The following ZNF280D variants were observed in gnomAD, a reference collection of about 807,000 sequenced individuals.
ZNF280D encodes the protein zinc finger protein 280D.
Under a neutral mutation model 94.7 loss-of-function variants are expected in ZNF280D, and 39 were observed. That is an observed-to-expected ratio of 0.41 (90% CI 0.32 to 0.54). ZNF280D has a LOEUF of 0.54. Ranked by LOEUF, ZNF280D falls within the 20% of genes least tolerant of loss-of-function variation. The pLI is 0.22. For missense variants in ZNF280D, 1,090 were observed against 1,149.3 expected (o/e 0.95, Z 0.75); for synonymous variants, 398 against 377.6 (o/e 1.05, Z -0.63).
Position 56,631,610 on chromosome 15 carries a change from G to A in ZNF280D, c.2828C>T (p.Ser943Leu), listed in dbSNP as rs1262549680. 1 of 1,614,134 alleles carries A rather than the reference G, an allele frequency of 6.2e-7. No homozygotes were observed. Among genetic ancestry groups the A allele is most frequent in the Non-Finnish European group, 8.5e-7 (1 of 1,180,018 alleles). Reference sequence around the variant, plus strand: ...AGACACTACTTCATCAGTCTTGGCTGAAGGATCACCACTACCTTTCTGAAG... The same window carrying A: ...AGACACTACTTCATCAGTCTTGGCTAAAGGATCACCACTACCTTTCTGAAG... ...EILQKGSGDP[S>L]AKTDEVVSDQ... Residue 943 changes from serine to leucine, a missense_variant, in exon 22 of 22, where the codon TCA becomes TTA. Physicochemically the swap from Ser to Leu is moderately radical, Grantham distance 145. This residue lies in a region of ZNF280D where 577 missense variants were observed against 568.8 expected (regional missense o/e 1.01). Transcript: ENST00000267807.
At chr15:56,685,578 T>C (rs974533937) in intron 9 of ZNF280D, among the ~76,000 whole-genome samples, 1 of 152,142 alleles carries the variant, frequency 6.6e-6, no homozygotes, top group Non-Finnish European at 1.5e-5. Flanking sequence ...TCAGACAATA[T>C]TGACTAAAAT....
At chr15:56,680,536 G>C (rs2055547101) in intron 10 of ZNF280D, among the ~76,000 whole-genome samples, 1 of 152,050 alleles carries the variant, frequency 6.6e-6, no homozygotes, top group Non-Finnish European at 1.5e-5. Context: ...GAGTGCAGAC[G>C]CATGATTACA....
At chr15:56,678,475 G>A (rs761333624) in intron 11 of ZNF280D, among the ~76,000 whole-genome samples, 189 bp downstream of exon 11, 15 of 152,144 alleles carry the variant, frequency 9.9e-5, no homozygotes, top group Non-Finnish European at 1.0e-4. Flanking sequence ...TTTGCAAGAG[G>A]CACTTTAATA....
intron 1 of ZNF280D, among the ~76,000 whole-genome samples, chr15:56,727,085 C>G (rs376935388): frequency 6.6e-6 from 1 of 152,148 alleles, no homozygotes; most frequent in Non-Finnish European, 1.5e-5. Context: ...TGGAAAATAA[C>G]GGTTATTTTA....
At chr15:56,655,737 G>T (rs2053511966) in intron 17 of ZNF280D, among the ~76,000 whole-genome samples, 1 of 152,154 alleles carries the variant, frequency 6.6e-6, no homozygotes. Flanking sequence ...TAGCTGAAAG[G>T]TGTTTTAAAA....
At chr15:56,660,745 T>C (rs1194696925) in intron 16 of ZNF280D, among the ~76,000 whole-genome samples, 3 of 152,182 alleles carry the variant, frequency 2.0e-5, no homozygotes, top group Non-Finnish European at 2.9e-5. Context: ...AGCAATTCTC[T>C]AAAAATAGGT....
At chr15:56,679,910 C>T (rs777308146) in intron 10 of ZNF280D, among the ~76,000 whole-genome samples, 2 of 152,144 alleles carry the variant, frequency 1.3e-5, no homozygotes, top group Non-Finnish European at 2.9e-5. Context: ...AAATCCTGGT[C>T]GTTGTTAAAT....
At chr15:56,648,116 A>T (rs1490644050) in intron 19 of ZNF280D, among the ~76,000 whole-genome samples, 1 of 152,056 alleles carries the variant, frequency 6.6e-6, no homozygotes, top group Non-Finnish European at 1.5e-5. Flanking sequence ...CCTCAAGCCA[A>T]TTCCTCTCCT....
chr15:56,731,986 A>G (rs146930949), intron 1 of ZNF280D, among the ~76,000 whole-genome samples: 87 of 152,348 alleles, frequency 5.7e-4, no homozygotes, highest in African/African-American at 1.9e-3. Flanking sequence ...CCTGGGCAAC[A>G]TAACAACCGC....
At chr15:56,715,339 A>G (rs1036344024) in intron 1 of ZNF280D, among the ~76,000 whole-genome samples, 9 of 152,178 alleles carry the variant, frequency 5.9e-5, no homozygotes, top group African/African-American at 2.2e-4. Flanking sequence ...TATATAAAGT[A>G]CAAAGTAAGA....
chr15:56,663,489 C>T (rs966660101), intron 16 of ZNF280D, among the ~76,000 whole-genome samples: 4 of 151,870 alleles, frequency 2.6e-5, no homozygotes, highest in Non-Finnish European at 5.9e-5. Flanking sequence ...ATATATAAAC[C>T]TCAAACTTCT....
At chr15:56,698,382 T>C (rs1216890982) in intron 6 of ZNF280D, 3 of 152,142 alleles carry the variant, frequency 2.0e-5, no homozygotes, top group African/African-American at 7.2e-5. Flanking sequence ...CGGTGGCAAA[T>C]GAGTTTTCCA....
At position 56,692,267 on chromosome 15, in the gene ZNF280D, AAC is replaced by A. The variant is rs2056465032; in HGVS notation, c.499+829_499+830del. Among the ~76,000 whole-genome samples the A allele has an allele frequency of 2.0e-5, 3 of 152,186 alleles. No individual in the cohort carries two copies. The South Asian group carries it at 6.2e-4, about 32-fold the overall frequency. On this transcript the variant is annotated intron_variant, in intron 7 of 21. Coordinates refer to ENST00000267807, the MANE Select transcript of ZNF280D (RefSeq NM_017661.4). ...AAATCAAGTATTAAAAAATTGGAAA[AAC>A]AGTTTAAGTTTATAATAAAAGTATT...
intron 17 of ZNF280D, among the ~76,000 whole-genome samples, chr15:56,656,220 T>A (rs2053546606): frequency 1.3e-5 from 2 of 152,236 alleles, no homozygotes; most frequent in Non-Finnish European, 2.9e-5. Context: ...TGCTACTTTA[T>A]GTGCAAGACA....
intron 7 of ZNF280D, among the ~76,000 whole-genome samples, chr15:56,691,961 A>G (rs2056447965): frequency 6.6e-6 from 1 of 152,182 alleles, no homozygotes; most frequent in South Asian, 2.1e-4. Flanking sequence ...TAGAGACTAC[A>G]AAAATCTTAA....
At chr15:56,667,088 A>G in intron 14 of ZNF280D, 102 bp from the exon 15 acceptor site, 1 of 903,310 alleles carries the variant, frequency 1.1e-6, no homozygotes. Flanking sequence ...TTTTGAAAAA[A>G]GCACATATAA....
intron 1 of ZNF280D, among the ~76,000 whole-genome samples, chr15:56,711,100 G>T (rs966816684): frequency 3.9e-5 from 6 of 152,210 alleles, no homozygotes; most frequent in Non-Finnish European, 7.4e-5. Flanking sequence ...AGTAAAACAT[G>T]GTGAAGAATG....
At chr15:56,676,904 A>G in intron 12 of ZNF280D, 88 bp from the exon 13 acceptor site, 1 of 1,057,134 alleles carries the variant, frequency 9.5e-7, no homozygotes, top group Non-Finnish European at 1.4e-6. Flanking sequence ...ATTTGTCAGG[A>G]GAACATTATG....
chr15:56,633,544 G>A (rs2052195734), intron 21 of ZNF280D, among the ~76,000 whole-genome samples: 1 of 151,828 alleles, frequency 6.6e-6, no homozygotes, highest in Admixed American at 6.6e-5. Flanking sequence ...AGGGTGGGGT[G>A]CAGTGGCATG....
Sources: gnomAD v4.1 joint callset for allele counts (sites outside exome capture counted in the v4.1 genomes callset) on GRCh38, gnomAD v4.1.1 for gene constraint, gnomAD v4.1.1 regional missense constraint, MANE v1.5 for transcripts, NCBI Gene and HGNC (gene_info 2026-07-23, HGNC 2026-07-21) for gene names.